The following RETSAT variants were observed in gnomAD, a reference collection of about 807,000 sequenced individuals.
RETSAT encodes all-trans-retinol 13,14-reductase.
A neutral mutation model predicts 61.6 loss-of-function variants in RETSAT; 35 were observed. That is an observed-to-expected ratio of 0.57 (90% confidence interval 0.43 to 0.75). The LOEUF (loss-of-function observed/expected upper bound fraction) is 0.75. RETSAT is among the 30% of genes least tolerant of loss of function. RETSAT has a pLI of 0.00. For missense variants in RETSAT, 670 were observed against 759.5 expected (o/e 0.88, Z 1.38); for synonymous variants, 277 against 310.4 (o/e 0.89, Z 1.13).
At chr2:85,347,476 C>A (rs1194965291) in intron 5 of RETSAT, among the ~76,000 whole-genome samples, 1 of 152,104 alleles carries the variant, frequency 6.6e-6, no homozygotes, top group Non-Finnish European at 1.5e-5. Flanking sequence ...ATCCACCCAC[C>A]TCGGCCTCCC....
At chr2:85,345,819 GGAT>G (rs750871865) in intron 6 of RETSAT, 153 bp downstream of exon 6, 1 of 896,174 alleles carries the variant, frequency 1.1e-6, no homozygotes, top group South Asian at 1.3e-5. Context: ...GCTAGGGTTA[GGAT>G]GATGTTAGAG....
At chr2:85,351,614 C>A in intron 2 of RETSAT, 66 bp downstream of exon 2, 1 of 1,493,824 alleles carries the variant, frequency 6.7e-7, no homozygotes, top group Non-Finnish European at 9.1e-7. Flanking sequence ...TATCACCCCA[C>A]AAGGGCTGCT....
intron 6 of RETSAT, among the ~76,000 whole-genome samples, chr2:85,345,202 G>A (rs752649672): frequency 2.0e-5 from 3 of 152,178 alleles, no homozygotes; most frequent in Non-Finnish European, 2.9e-5. Context: ...GCTCAGCCAC[G>A]CAGGGTGAAG....
At chr2:85,348,044 T>C (rs554507915) in intron 5 of RETSAT, among the ~76,000 whole-genome samples, 1 of 152,334 alleles carries the variant, frequency 6.6e-6, no homozygotes, top group East Asian at 1.9e-4. Flanking sequence ...CCATTAGTCA[T>C]AGATGGCCTA....
chr2:85,345,120 C>T (rs1683171818), intron 6 of RETSAT, among the ~76,000 whole-genome samples: 1 of 152,140 alleles, frequency 6.6e-6, no homozygotes, highest in African/African-American at 2.4e-5. Context: ...CCCTGCTCTG[C>T]CCCTGGGCCA....
Position 85,354,384 on chromosome 2 carries a change from C to T in RETSAT, c.124G>A (p.Ala42Thr), listed in dbSNP as rs759564364. ...GCCTCCTTGTCAGTTACCAGGGGCG[C>T]TGGGGGCCGTTTGACATCTTCGGAG... ...PFSEDVKRPPAPLVTDKEARK... is the reference protein window; with the variant it reads ...PFSEDVKRPPTPLVTDKEARK... The change falls in exon 1 of 11, where the codon GCG (alanine) becomes ACG (threonine). Residue 42 changes from alanine (A) to threonine (T), a missense_variant. Ala to Thr is a moderately conservative substitution (Grantham distance 58, BLOSUM62 0). Coordinates refer to ENST00000295802, the MANE Select transcript of RETSAT (RefSeq NM_017750.4). The T allele has an allele frequency of 8.1e-6, 13 of 1,614,112 alleles. No homozygotes were observed. Among genetic ancestry groups the T allele is most frequent in the Non-Finnish European group, 5.1e-6 (6 of 1,180,050 alleles).
In RETSAT at chr2:85,354,500, A is replaced by G; in HGVS notation, c.8T>C (p.Leu3Pro). Residue 3 changes from leucine to proline, a missense_variant, in exon 1 of 11, where the codon CTT (leucine) becomes CCT (proline). Transcript: ENST00000295802. The part of the protein sequence containing the change: MW[L>P]PLVLLLAVLL... ...CACAGCCAGGAGCAGCACCAGCGGA[A>G]GCCACATCACGCCGGCGTCGGGTCG... 1.2e-6 allele frequency: 2 copies of G among 1,609,674 alleles called. No homozygotes were observed. The highest frequency in any genetic ancestry group is 1.7e-6 in the Non-Finnish European group (2 of 1,177,578).
chr2:85,352,053 G>C (rs2104439927), intron 1 of RETSAT, among the ~76,000 whole-genome samples, 191 bp from the exon 2 acceptor site: 1 of 152,232 alleles, frequency 6.6e-6, no homozygotes, highest in African/African-American at 2.4e-5. Context: ...GGCAGATTTG[G>C]GGTTTTGCTT....
intron 1 of RETSAT, among the ~76,000 whole-genome samples, chr2:85,354,091 C>T (rs982660751): frequency 2.6e-5 from 4 of 152,208 alleles, no homozygotes; most frequent in Non-Finnish European, 4.4e-5. Context: ...GTGCCAACAC[C>T]TTGCAAACCA....
intron 5 of RETSAT, 61 bp downstream of exon 5, chr2:85,349,323 C>T: frequency 1.3e-6 from 2 of 1,547,256 alleles, no homozygotes; most frequent in African/African-American, 1.4e-5. Flanking sequence ...TCAGGGAGAC[C>T]CCAGGTCTCG....
intron 5 of RETSAT, 135 bp downstream of exon 5, chr2:85,349,249 G>A: frequency 2.6e-6 from 2 of 775,778 alleles, no homozygotes; most frequent in East Asian, 2.5e-5. Context: ...CCTGGACCCT[G>A]CTCTGGGGCA....
chr2:85,349,699 C>G (rs761924300), intron 4 of RETSAT, 118 bp from the exon 5 acceptor site: 1 of 899,122 alleles, frequency 1.1e-6, no homozygotes, highest in Non-Finnish European at 1.8e-6. Flanking sequence ...ACCACATGTT[C>G]CTCAGGGTCC....
chr2:85,350,389 A>C (rs1364893084), intron 3 of RETSAT, 148 bp from the exon 4 acceptor site: 1 of 661,850 alleles, frequency 1.5e-6, no homozygotes, highest in Non-Finnish European at 2.6e-6. Context: ...AAAAATCTAT[A>C]CTCTGTGAAT....
At position 85,343,731 on chromosome 2, in the gene RETSAT, C is replaced by T. The variant is rs765066828; in HGVS notation, c.1601G>A (p.Cys534Tyr). 1 of 1,614,084 alleles carries T rather than the reference C, an allele frequency of 6.2e-7. No individual in the cohort carries two copies. Among genetic ancestry groups the T allele is most frequent in the South Asian group, 1.1e-5 (1 of 91,078 alleles). Residue 534 changes from cysteine to tyrosine, a missense_variant, in exon 10 of 11, where the codon TGC (cysteine) becomes TAC (tyrosine). By Grantham distance (194) the Cys-to-Tyr change is radical (BLOSUM62 -2). Coordinates refer to ENST00000295802, the MANE Select transcript of RETSAT (RefSeq NM_017750.4). The part of the protein sequence containing the change: ...QFYLAAPRGA[C>Y]YGADHDLGRL... ...GCCCAGGTCATGGTCAGCCCCGTAG[C>T]AGGCACCTCGGGGAGCAGCCAGATA...
chr2:85,349,285 G>A, intron 5 of RETSAT, 99 bp downstream of exon 5: 2 of 1,101,704 alleles, frequency 1.8e-6, no homozygotes, highest in East Asian at 2.4e-5. Flanking sequence ...CCTCCATGAG[G>A]AGGTCAGTTC....
At chr2:85,343,905 G>A in intron 9 of RETSAT, 94 bp downstream of exon 9, 2 of 1,584,604 alleles carry the variant, frequency 1.3e-6, no homozygotes, top group Admixed American at 3.4e-5. Flanking sequence ...CCTTCCCTGG[G>A]GCTCATGTCT....
At chr2:85,349,328 G>T in intron 5 of RETSAT, 56 bp downstream of exon 5, 1 of 1,578,468 alleles carries the variant, frequency 6.3e-7, no homozygotes, top group Non-Finnish European at 8.7e-7. Flanking sequence ...GAGACCCCAG[G>T]TCTCGCCCAC....
Position 85,343,735 on chromosome 2 carries a change from C to T in RETSAT, c.1597G>A (p.Ala533Thr). The T allele has an allele frequency of 6.2e-7, 1 of 1,614,056 alleles. No individual in the cohort carries two copies. Among genetic ancestry groups the T allele is most frequent in the East Asian group, 2.2e-5 (1 of 44,890 alleles). Residue 533 changes from alanine to threonine, a missense_variant, in exon 10 of 11, where the codon GCC becomes ACC. Coordinates refer to ENST00000295802, the MANE Select transcript of RETSAT (RefSeq NM_017750.4). ...NQFYLAAPRG[A>T]CYGADHDLGR... ...AGGTCATGGTCAGCCCCGTAGCAGG[C>T]ACCTCGGGGAGCAGCCAGATAGAAC...
At chr2:85,345,647 C>T (rs1462167929) in intron 6 of RETSAT, 2 of 410,394 alleles carry the variant, frequency 4.9e-6, no homozygotes, top group Non-Finnish European at 9.3e-6. Flanking sequence ...TCCTGCTTCT[C>T]TTCCTGAGGC....
Sources: gnomAD v4.1 joint callset for allele counts (sites outside exome capture counted in the v4.1 genomes callset) on GRCh38, gnomAD v4.1.1 for gene constraint, MANE v1.5 for transcripts, NCBI Gene and HGNC (gene_info 2026-07-23, HGNC 2026-07-21) for gene names.